The following SLC4A4 variants were observed in gnomAD, a reference collection of about 807,000 sequenced individuals.
SLC4A4 encodes solute carrier family 4 member 4, also known as electrogenic sodium bicarbonate cotransporter 1.
A neutral mutation model predicts 111.5 loss-of-function variants in SLC4A4; 27 were observed. The observed-to-expected ratio is 0.24, with a 90% CI of 0.18 to 0.33. The LOEUF (loss-of-function observed/expected upper bound fraction) is 0.33, where lower values mean the gene tolerates loss of function less well. Ranked by LOEUF, SLC4A4 falls within the 10% of genes least tolerant of loss-of-function variation. The pLI is 1.00. For synonymous variants in SLC4A4, 443 were observed against 463.4 expected (o/e 0.96, Z 0.57); for missense variants, 909 against 1,315.5 (o/e 0.69, Z 4.78).
intron 2 of SLC4A4, among the ~76,000 whole-genome samples, chr4:71,140,256 C>T (rs962538366): frequency 3.3e-5 from 5 of 152,054 alleles, no homozygotes; most frequent in African/African-American, 1.2e-4. Context: ...CCTGACGCTA[C>T]AGAAAATACA....
At chr4:71,427,608 A>C (rs1053983796) in intron 7 of SLC4A4, among the ~76,000 whole-genome samples, 1 of 152,028 alleles carries the variant, frequency 6.6e-6, no homozygotes, top group African/African-American at 2.4e-5. Flanking sequence ...ATGTCTAACA[A>C]CTTCTGATTA....
chr4:71,385,193 T>A (rs6827301), intron 6 of SLC4A4, among the ~76,000 whole-genome samples: 12 of 4,172 alleles, frequency 2.9e-3, no homozygotes, highest in Non-Finnish European at 5.6e-3. Flanking sequence ...ATATATATAT[T>A]TTTTTTTTTT....
At chr4:71,185,110 C>T (rs564376782), upstream of SLC4A4, among the ~76,000 whole-genome samples, 14 of 152,258 alleles carry the variant, frequency 9.2e-5, no homozygotes, top group South Asian at 1.0e-3. Flanking sequence ...ATTTAACTTA[C>T]GTGAAGGAAA....
intron 2 of SLC4A4, among the ~76,000 whole-genome samples, chr4:71,151,504 T>C (rs1427242761): frequency 6.6e-6 from 1 of 152,140 alleles, no homozygotes; most frequent in Non-Finnish European, 1.5e-5. Context: ...AATGTCATTT[T>C]TACCTCTACT....
chr4:71,153,826 C>A (rs921594800), intron 2 of SLC4A4, among the ~76,000 whole-genome samples: 3 of 152,146 alleles, frequency 2.0e-5, no homozygotes, highest in Non-Finnish European at 4.4e-5. Flanking sequence ...TCTCTCAATG[C>A]CTCTTATTGA....
At chr4:71,298,831 G>A (rs2579338) in intron 3 of SLC4A4, among the ~76,000 whole-genome samples, 4,714 of 152,236 alleles carry the variant, frequency 0.031, 251 homozygotes, top group African/African-American at 0.11. Flanking sequence ...TTCTGGCCTC[G>A]TAGATGAGTG....
chr4:71,497,651 G>A lies in SLC4A4; in HGVS notation c.2125G>A (p.Ala709Thr). The A allele has an allele frequency of 6.2e-7, 1 of 1,613,390 alleles. No individual in the cohort carries two copies. Among genetic ancestry groups the A allele is most frequent in the Non-Finnish European group, 8.5e-7 (1 of 1,179,672 alleles). Reference protein sequence around the residue: ...LFLGTYTSSMALKKFKTSPYF... With the variant: ...LFLGTYTSSMTLKKFKTSPYF... ...CTTGGGAACCTACACCTCTTCCATG[G>A]CTCTGAAAAAATTCAAAACTAGTCC... is the stretch of plus-strand genomic sequence containing the variant. Residue 709 changes from alanine (A) to threonine (T), a missense_variant, in exon 16 of 26, where the codon GCT becomes ACT. Physicochemically the swap from Ala to Thr is moderately conservative, Grantham distance 58. Around this residue, in one of 7 missense-constraint regions of SLC4A4, gnomAD observed 264 missense variants for 356.8 expected, o/e 0.74. Transcript: ENST00000264485.
At chr4:71,097,478 T>C (rs1454332441) in intron 2 of SLC4A4, among the ~76,000 whole-genome samples, 6 of 152,236 alleles carry the variant, frequency 3.9e-5, no homozygotes, top group African/African-American at 1.4e-4. Flanking sequence ...AGTGCTGCAA[T>C]AAACATTTGC....
chr4:71,363,935 A>G (rs1377044365), intron 6 of SLC4A4, among the ~76,000 whole-genome samples: 1 of 152,228 alleles, frequency 6.6e-6, no homozygotes, highest in Non-Finnish European at 1.5e-5. Flanking sequence ...TGGTATTTCT[A>G]ACTCATTCAT....
chr4:71,268,597 A>G (rs1722475866), intron 3 of SLC4A4, among the ~76,000 whole-genome samples: 1 of 152,244 alleles, frequency 6.6e-6, no homozygotes, highest in Admixed American at 6.5e-5. Flanking sequence ...TACTAAGTAC[A>G]ACAGAGTATT....
chr4:71,340,600 G>A (rs1385709084), intron 4 of SLC4A4, among the ~76,000 whole-genome samples: 6 of 152,136 alleles, frequency 3.9e-5, no homozygotes. Context: ...TGTATTTCAA[G>A]TATAAACCTG....
intron 2 of SLC4A4, among the ~76,000 whole-genome samples, chr4:71,100,701 C>A (rs1742703881): frequency 6.6e-6 from 1 of 152,172 alleles, no homozygotes; most frequent in Admixed American, 6.5e-5. Flanking sequence ...GAAAACCCCA[C>A]AGTCTCACCC....
At chr4:71,436,672 G>A (rs1229153948) in intron 7 of SLC4A4, among the ~76,000 whole-genome samples, 1 of 152,234 alleles carries the variant, frequency 6.6e-6, no homozygotes, top group Non-Finnish European at 1.5e-5. Context: ...TACTACTTAG[G>A]AGATGCAAAG....
intron 11 of SLC4A4, among the ~76,000 whole-genome samples, chr4:71,451,998 T>C (rs1725804064): frequency 6.6e-6 from 1 of 152,226 alleles, no homozygotes; most frequent in Non-Finnish European, 1.5e-5. Flanking sequence ...TGATAACTCT[T>C]CCTTCCCTAC....
At chr4:71,310,393 A>G (rs548392252) in intron 3 of SLC4A4, among the ~76,000 whole-genome samples, 1 of 152,304 alleles carries the variant, frequency 6.6e-6, no homozygotes, top group African/African-American at 2.4e-5. Context: ...CAGATTCTCT[A>G]AGCTTGAAAT....
rs148710633 is a variant in SLC4A4 at position 71,311,452 on chromosome 4, C to A, written c.254-27918C>A. 3.2e-3 allele frequency among the ~76,000 whole-genome samples: 487 copies of A among 152,302 alleles called. 1 individual carries two copies. Among genetic ancestry groups the A allele is most frequent in the African/African-American group, 0.01 (433 of 41,570 alleles). On this transcript the variant is annotated intron_variant, in intron 3 of 25. Transcript: ENST00000264485. Reference sequence around the variant, plus strand: ...CGATCACATAATTGGAAGTAAAACACTCCTTAGCAAATGCAAAAGAATGGA... The same window carrying A: ...CGATCACATAATTGGAAGTAAAACAATCCTTAGCAAATGCAAAAGAATGGA...
At chr4:71,093,536 AAACCTTTTTGTTCTG>A (rs1314017215) in intron 2 of SLC4A4, among the ~76,000 whole-genome samples, 2 of 152,222 alleles carry the variant, frequency 1.3e-5, no homozygotes, top group Non-Finnish European at 2.9e-5. Flanking sequence ...AGGGATAGAA[AAACCTTTTTGTTCTG>A]TAAGTGAATA....
chr4:71,147,707 A>G (rs1340426730), intron 2 of SLC4A4, among the ~76,000 whole-genome samples: 2 of 152,116 alleles, frequency 1.3e-5, no homozygotes, highest in African/African-American at 4.8e-5. Context: ...AATCAGTAGG[A>G]TCTCACGGTT....
In SLC4A4 at chr4:71,138,852, C is replaced by T. The variant is rs564963670; in HGVS notation, c.-2+46060C>T. 1.4e-3 allele frequency among the ~76,000 whole-genome samples: 209 copies of T among 151,946 alleles called. 1 individual carries two copies. Among genetic ancestry groups the T allele is most frequent in the African/African-American group, 4.7e-3 (193 of 41,456 alleles). On this transcript the variant is annotated intron_variant, in intron 2 of 26. Coordinates refer to the SLC4A4 transcript ENST00000649996. ...GAGATTGAGACCATTCTGCCTAACA[C>T]GGTGAAACCCTGTCTCTACTGAAAA... is the stretch of plus-strand genomic sequence containing the variant.
Sources: allele counts gnomAD v4.1 joint callset (sites outside exome capture counted in the v4.1 genomes callset), GRCh38; gene constraint gnomAD v4.1.1; regional missense constraint gnomAD v4.1.1; transcripts MANE v1.5; gene names NCBI Gene and HGNC (gene_info 2026-07-23, HGNC 2026-07-21).